Variants in SHISA9 observed in about 807,000 individuals in gnomAD.
The protein encoded by SHISA9 is protein shisa-9.
In SHISA9, 13 loss-of-function variants were observed where a neutral mutation model predicts 38.0. The observed-to-expected ratio is 0.34, with a 90% CI of 0.22 to 0.54. The LOEUF (loss-of-function observed/expected upper bound fraction) is 0.54, where lower values mean the gene tolerates loss of function less well. SHISA9 is among the 20% of genes least tolerant of loss of function. The pLI is 0.91. For synonymous variants in SHISA9, 275 were observed against 242.0 expected (o/e 1.14, Z -1.27); for missense variants, 538 against 575.8 (o/e 0.93, Z 0.67).
intron 2 of SHISA9, among the ~76,000 whole-genome samples, chr16:12,970,716 G>T (rs1486931609): frequency 6.7e-6 from 1 of 150,252 alleles, no homozygotes; most frequent in Non-Finnish European, 1.5e-5. Context: ...TACAGACGGG[G>T]TTTCACCGTG....
chr16:13,049,292 T>G (rs144704842), intron 2 of SHISA9, among the ~76,000 whole-genome samples: 133 of 152,208 alleles, frequency 8.7e-4, no homozygotes, highest in African/African-American at 3.1e-3. Flanking sequence ...TCTGGCAAGT[T>G]GAAGATCATC....
At chr16:13,285,522 A>G in the SHISA9 span, among the ~76,000 whole-genome samples, 3 of 112,330 alleles carry the variant, frequency 2.7e-5, no homozygotes, top group African/African-American at 3.5e-5. Flanking sequence ...AGTGAGATTT[A>G]CTTTAACGTA....
intron 2 of SHISA9, among the ~76,000 whole-genome samples, chr16:12,995,356 T>C (rs896074082): frequency 6.6e-6 from 1 of 152,232 alleles, no homozygotes; most frequent in Non-Finnish European, 1.5e-5. Context: ...CTGGTACTTC[T>C]TGAACTTTAA....
In SHISA9 at chr16:13,135,890, G is replaced by T. The variant is rs761393397; in HGVS notation, c.692-67504G>T. 2.7e-4 allele frequency among the ~76,000 whole-genome samples: 41 copies of T among 152,184 alleles called. 1 individual carries two copies. The highest frequency in any genetic ancestry group is 8.5e-4 in the Admixed American group (13 of 15,278). ...TGCTTAAGGGTTTTGTGCTTCTGGG[G>T]TAGATATTCCAGGGCTCCACTATCA... On this transcript the variant is annotated intron_variant, in intron 2 of 4. Transcript: ENST00000558583.
the SHISA9 span, among the ~76,000 whole-genome samples, chr16:13,512,756 G>GA: frequency 6.6e-6 from 1 of 152,110 alleles, no homozygotes; most frequent in Non-Finnish European, 1.5e-5. Flanking sequence ...CAAGCAATGG[G>GA]AAAAGGATTC....
At chr16:13,557,222 G>C in the SHISA9 span, among the ~76,000 whole-genome samples, 1 of 152,140 alleles carries the variant, frequency 6.6e-6, no homozygotes, top group East Asian at 1.9e-4. Flanking sequence ...CAAATCTCTT[G>C]CACTCTTCTT....
At chr16:13,462,382 CAG>C in the SHISA9 span, among the ~76,000 whole-genome samples, 1 of 152,128 alleles carries the variant, frequency 6.6e-6, no homozygotes, top group Non-Finnish European at 1.5e-5. Context: ...AGGAAACTAA[CAG>C]ATCACTCAAT....
At chr16:13,472,124 G>A in the SHISA9 span, among the ~76,000 whole-genome samples, 1 of 152,132 alleles carries the variant, frequency 6.6e-6, no homozygotes, top group Admixed American at 6.5e-5. Context: ...CTCTTTAAGT[G>A]GGCTCATTGA....
chr16:13,005,467 G>T (rs369903851), intron 2 of SHISA9, among the ~76,000 whole-genome samples: 2 of 152,172 alleles, frequency 1.3e-5, no homozygotes, highest in African/African-American at 4.8e-5. Flanking sequence ...ATGAGGTTCA[G>T]AGAAGTTAAG....
chr16:13,164,668 A>G (rs1429994090), intron 2 of SHISA9, among the ~76,000 whole-genome samples: 2 of 152,144 alleles, frequency 1.3e-5, no homozygotes, highest in African/African-American at 4.8e-5. Context: ...ACTGCATCTC[A>G]CACATTTCGA....
intron 2 of SHISA9, among the ~76,000 whole-genome samples, chr16:13,076,061 C>T (rs897603281): frequency 7.8e-4 from 115 of 146,994 alleles, no homozygotes; most frequent in African/African-American, 2.0e-3. Context: ...GATGCAGTCT[C>T]GCTCTGTCAC....
chr16:12,992,286 A>G (rs1317118702), intron 2 of SHISA9, among the ~76,000 whole-genome samples: 1 of 149,426 alleles, frequency 6.7e-6, no homozygotes, highest in Non-Finnish European at 1.5e-5. Flanking sequence ...GCACTTTGGG[A>G]GGCCGAGGCA....
chr16:13,355,360 G>A, the SHISA9 span, among the ~76,000 whole-genome samples: 6 of 151,948 alleles, frequency 3.9e-5, no homozygotes, highest in Admixed American at 6.6e-5. Flanking sequence ...GATGGTAAGG[G>A]GTGCATGATT....
chr16:13,469,355 A>G, the SHISA9 span, among the ~76,000 whole-genome samples: 1 of 124,658 alleles, frequency 8.0e-6, no homozygotes, highest in African/African-American at 3.0e-5. Flanking sequence ...AGAAAGAAAG[A>G]AAGAAAAGAA....
chr16:13,179,678 G>C (rs188061127), intron 2 of SHISA9, among the ~76,000 whole-genome samples: 4 of 152,184 alleles, frequency 2.6e-5, no homozygotes, highest in Non-Finnish European at 5.9e-5. Flanking sequence ...AAAGGCAAAG[G>C]TTCTCTCCAA....
At chr16:12,933,441 C>T (rs1019568013) in intron 2 of SHISA9, among the ~76,000 whole-genome samples, 31 of 152,038 alleles carry the variant, frequency 2.0e-4, no homozygotes, top group Admixed American at 2.0e-3. Context: ...ACTGCAGGTG[C>T]ATGCCACTGT....
chr16:13,480,333 A>C, the SHISA9 span, among the ~76,000 whole-genome samples: 1 of 152,142 alleles, frequency 6.6e-6, no homozygotes, highest in Non-Finnish European at 1.5e-5. Flanking sequence ...GCTCCTCCTG[A>C]GAACTGCTCT....
At chr16:13,285,462 G>GTTTTTTTTTTTTT in the SHISA9 span, among the ~76,000 whole-genome samples, 56 of 95,788 alleles carry the variant, frequency 5.8e-4, 1 homozygote, top group African/African-American at 2.3e-3. Flanking sequence ...TTCAGGTGTA[G>GTTTTTTTTTTTTT]TTTTTTTTTT....
intron 2 of SHISA9, among the ~76,000 whole-genome samples, chr16:13,143,490 C>CAGCT (rs2050420687): frequency 6.6e-6 from 1 of 152,178 alleles, no homozygotes; most frequent in South Asian, 2.1e-4. Flanking sequence ...GCCAGTGGGT[C>CAGCT]AGCTGCATGG....
Sources: allele counts gnomAD v4.1 joint callset (sites outside exome capture counted in the v4.1 genomes callset), GRCh38; gene constraint gnomAD v4.1.1; transcripts MANE v1.5; gene names NCBI Gene and HGNC (gene_info 2026-07-23, HGNC 2026-07-21).